L3MBTL4: variants seen among roughly 807,000 people sequenced by gnomAD.
L3MBTL4 encodes L3MBTL histone methyl-lysine binding protein 4.
Under a neutral mutation model 84.5 loss-of-function variants are expected in L3MBTL4, and 70 were observed. The ratio of observed to expected loss-of-function variants is 0.83; its 90% CI spans 0.68 to 1.01. The LOEUF is 1.01. Among genes scored for constraint, L3MBTL4 ranks in the 50% least tolerant of loss-of-function variants. L3MBTL4 has a pLI of 0.00. For missense variants in L3MBTL4, 715 were observed against 754.8 expected, an observed-to-expected ratio of 0.95 and a Z score of 0.62; for synonymous variants, 274 against 259.8, an observed-to-expected ratio of 1.05 and a Z score of -0.52.
chr18:6,137,583 T>C (rs2060061647), intron 14 of L3MBTL4, among the ~76,000 whole-genome samples: 1 of 151,928 alleles, frequency 6.6e-6, no homozygotes, highest in African/African-American at 2.4e-5. Context: ...TCTTAATTTA[T>C]ATATGTTTCT....
chr18:6,123,679 T>C (rs929174296), intron 14 of L3MBTL4, among the ~76,000 whole-genome samples: 1 of 152,220 alleles, frequency 6.6e-6, no homozygotes, highest in Non-Finnish European at 1.5e-5. Flanking sequence ...AATATGAATA[T>C]CACAGATATT....
chr18:6,352,432 T>C (rs1396452012), intron 1 of L3MBTL4, among the ~76,000 whole-genome samples: 1 of 152,236 alleles, frequency 6.6e-6, no homozygotes, highest in Non-Finnish European at 1.5e-5. Context: ...GAGCCTATTA[T>C]GATAAAAGGA....
At chr18:6,315,075 T>C (rs2051027340) in intron 1 of L3MBTL4, among the ~76,000 whole-genome samples, 1 of 152,178 alleles carries the variant, frequency 6.6e-6, no homozygotes, top group Non-Finnish European at 1.5e-5. Flanking sequence ...ATAAGAAATG[T>C]AATACATGCC....
chr18:6,301,445 T>G (rs2050334765), intron 4 of L3MBTL4, among the ~76,000 whole-genome samples: 1 of 152,206 alleles, frequency 6.6e-6, no homozygotes, highest in African/African-American at 2.4e-5. Flanking sequence ...AAGGCTATTA[T>G]CTAAAACCTA....
chr18:6,292,947 G>A (rs1194732432), intron 4 of L3MBTL4, among the ~76,000 whole-genome samples: 2 of 152,038 alleles, frequency 1.3e-5, no homozygotes, highest in Non-Finnish European at 2.9e-5. Flanking sequence ...AACTTTACTA[G>A]TGCCAAAAAA....
Position 5,969,486 on chromosome 18 carries a change from C to G in L3MBTL4, c.1521G>C (p.Arg507=). The change falls in exon 17 of 19, where the codon CGG becomes CGC. Residue 507 remains arginine, a synonymous_variant. Transcript: ENST00000317931. ...SMSTVSAHPF[R]DLPLGREQHC... ...GTTGCTCCCTGCCGAGGGGAAGGTCCCGAAAAGGGTGGGCTGACACCGTGG... is the reference window on the plus strand; with the variant it reads ...GTTGCTCCCTGCCGAGGGGAAGGTCGCGAAAAGGGTGGGCTGACACCGTGG... 6.2e-7 allele frequency: 1 copy of G among 1,613,992 alleles called. No individual in the cohort carries two copies. The highest frequency in any genetic ancestry group is 8.5e-7 in the Non-Finnish European group (1 of 1,180,004).
At chr18:6,320,822 A>C (rs181947293) in intron 1 of L3MBTL4, among the ~76,000 whole-genome samples, 22 of 152,312 alleles carry the variant, frequency 1.4e-4, no homozygotes, top group Middle Eastern at 6.8e-3. Context: ...CAGAGGTATC[A>C]CATTACTGAA....
rs142459097 is a variant in L3MBTL4, at chr18:6,036,056, C to G, written c.1444+44825G>C. The stretch of plus-strand genomic sequence containing the variant: ...TATCTCTGGCCACCAAGGTTTCTGA[C>G]GAGAAATTTGAGGATAAGCTTAAGG... On this transcript the variant is annotated intron_variant, in intron 16 of 18. Coordinates refer to ENST00000317931, the MANE Select transcript of L3MBTL4 (RefSeq NM_001330559.2). Among the ~76,000 whole-genome samples, 857 of 152,194 alleles carry G rather than the reference C, an allele frequency of 5.6e-3. 12 individuals are homozygous for G. Among genetic ancestry groups the G allele is most frequent in the African/African-American group, 0.019 (791 of 41,532 alleles).
chr18:6,266,973 A>C (rs2048663681), intron 4 of L3MBTL4, among the ~76,000 whole-genome samples: 1 of 151,758 alleles, frequency 6.6e-6, no homozygotes, highest in African/African-American at 2.4e-5. Flanking sequence ...ATAATTTCTG[A>C]GCCCCTGTTA....
intron 1 of L3MBTL4, among the ~76,000 whole-genome samples, chr18:6,345,229 A>AG (rs2052822975): frequency 7.7e-6 from 1 of 129,684 alleles, no homozygotes; most frequent in African/African-American, 3.6e-5. Flanking sequence ...AAAAAAAAAA[A>AG]AAAAAAAGAA....
At chr18:5,960,954 G>A (rs2095260411) in intron 17 of L3MBTL4, among the ~76,000 whole-genome samples, 1 of 152,154 alleles carries the variant, frequency 6.6e-6, no homozygotes, top group African/African-American at 2.4e-5. Flanking sequence ...ATAAAGGGTA[G>A]ACTCCCAACA....
At chr18:6,371,754 A>G (rs1341546812) in intron 1 of L3MBTL4, among the ~76,000 whole-genome samples, 1 of 152,260 alleles carries the variant, frequency 6.6e-6, no homozygotes, top group African/African-American at 2.4e-5. Context: ...GCCAACCTAT[A>G]ATAAAGCAGA....
At chr18:6,002,172 C>A (rs1037279910) in intron 16 of L3MBTL4, among the ~76,000 whole-genome samples, 3 of 152,088 alleles carry the variant, frequency 2.0e-5, no homozygotes, top group Non-Finnish European at 4.4e-5. Flanking sequence ...AAAATAAAAT[C>A]ATCAACCTAG....
intron 14 of L3MBTL4, among the ~76,000 whole-genome samples, chr18:6,133,260 T>C (rs555161470): frequency 6.6e-6 from 1 of 151,868 alleles, no homozygotes; most frequent in South Asian, 2.1e-4. Context: ...GCATGTGAAA[T>C]ATGGCCAAGC....
intron 16 of L3MBTL4, among the ~76,000 whole-genome samples, chr18:5,972,428 T>A (rs181444103): frequency 1.3e-5 from 2 of 151,884 alleles, no homozygotes; most frequent in Non-Finnish European, 2.9e-5. Context: ...GCAGGGCTGG[T>A]GTGAGGGAAA....
intron 13 of L3MBTL4, among the ~76,000 whole-genome samples, chr18:6,142,798 G>C (rs111857110): frequency 6.6e-6 from 1 of 152,030 alleles, no homozygotes; most frequent in Non-Finnish European, 1.5e-5. Context: ...GGCATGTACC[G>C]ATAGTCCTAG....
Position 6,390,420 on chromosome 18 carries a change from C to T in L3MBTL4, c.-91+24381G>A, listed in dbSNP as rs145807877. ...CAACTTATTGTCACACTTCAGGGAACTAGAGAACAAGAGCAAACTAAACTC... is the reference window on the plus strand; with the variant it reads ...CAACTTATTGTCACACTTCAGGGAATTAGAGAACAAGAGCAAACTAAACTC... On this transcript the variant is annotated intron_variant, in intron 1 of 18. Coordinates refer to ENST00000317931, the MANE Select transcript of L3MBTL4 (RefSeq NM_001330559.2). 4.8e-3 allele frequency among the ~76,000 whole-genome samples: 736 copies of T among 151,998 alleles called. 5 individuals are homozygous for T. Among genetic ancestry groups the T allele is most frequent in the African/African-American group, 0.017 (696 of 41,476 alleles).
chr18:6,004,711 G>A (rs2054385004), intron 16 of L3MBTL4, among the ~76,000 whole-genome samples: 1 of 152,122 alleles, frequency 6.6e-6, no homozygotes. Context: ...ACTTCAACAT[G>A]GGTGAACCTT....
At chr18:6,207,215 G>A (rs1461323329) in intron 12 of L3MBTL4, among the ~76,000 whole-genome samples, 1 of 152,164 alleles carries the variant, frequency 6.6e-6, no homozygotes, top group African/African-American at 2.4e-5. Context: ...GAGTCGAGCA[G>A]TTACTGCAGA....
Sources: gnomAD v4.1 joint callset for allele counts (sites outside exome capture counted in the v4.1 genomes callset) on GRCh38, gnomAD v4.1.1 for gene constraint, MANE v1.5 for transcripts, NCBI Gene and HGNC (gene_info 2026-07-23, HGNC 2026-07-21) for gene names.